ANKFY1: variants seen among roughly 807,000 people sequenced by gnomAD.
The protein encoded by ANKFY1 is ankyrin repeat and FYVE domain-containing protein 1.
In ANKFY1, 47 loss-of-function variants were observed where a neutral mutation model predicts 128.3. That is an observed-to-expected ratio of 0.37 (90% CI 0.29 to 0.47). The LOEUF (loss-of-function observed/expected upper bound fraction) is 0.47. Among genes scored for constraint, ANKFY1 ranks in the 20% least tolerant of loss-of-function variants. ANKFY1 has a pLI of 1.00. For missense variants in ANKFY1, 1,222 were observed against 1,510.6 expected, an observed-to-expected ratio of 0.81 and a Z score of 3.17; for synonymous variants, 553 against 601.6, an observed-to-expected ratio of 0.92 and a Z score of 1.18.
chr17:4,170,744 G>A lies in ANKFY1; in HGVS notation c.3257C>T (p.Ala1086Val). 6.2e-7 allele frequency: 1 copy of A among 1,613,378 alleles called. No individual in the cohort carries two copies. Among genetic ancestry groups the A allele is most frequent in the Non-Finnish European group, 8.5e-7 (1 of 1,179,590 alleles). The change falls in exon 23 of 25, where the codon GCC becomes GTC. Residue 1086 changes from alanine (A) to valine (V), a missense_variant. Physicochemically the swap from Ala to Val is moderately conservative, Grantham distance 64 (BLOSUM62 0). Transcript: ENST00000341657. ...QGVNIFNYQV[A>V]TKQLLFRLLD... ...CAGTCGGAACAGGAGCTGCTTGGTG[G>A]CGACCTGGTAGTTGAAGATGTTGAC... is the stretch of plus-strand genomic sequence containing the variant.
rs1237194727 is a variant in ANKFY1, at chr17:4,164,633, CT to C, written c.*3145del. 2 of 152,374 alleles carry C rather than the reference CT, an allele frequency of 1.3e-5. No homozygotes were observed. The highest frequency in any genetic ancestry group is 2.9e-5 in the Non-Finnish European group (2 of 68,042). 9.4% of individuals were successfully genotyped at this position (152,374 alleles called of 1,614,324 possible). On this transcript the variant is annotated 3_prime_UTR_variant, in exon 25 of 25. Transcript: ENST00000341657. ...AAGCATTACATAGTTCAAAAGTGTT[CT>C]TTTTCTCCAGATAAAAGAAACCTAG...
chr17:4,177,939 C>T (rs112105380), intron 18 of ANKFY1: 9,982 of 152,506 alleles, frequency 0.065, 423 homozygotes, highest in Middle Eastern at 0.11. Flanking sequence ...AGTGTGGAGG[C>T]GGCAGCGAGG....
Position 4,183,384 on chromosome 17 carries a change from C to T in ANKFY1, c.1952+14G>A, listed in dbSNP as rs779355457. 1.2e-5 allele frequency: 20 copies of T among 1,611,614 alleles called. No individual in the cohort carries two copies. The highest frequency in any genetic ancestry group is 1.4e-5 in the Non-Finnish European group (16 of 1,178,882). ...GTTACCTGGTGTTAGGTGGAGAGAG[C>T]GGCTTCCTCCTACCTGACATTTATA... On this transcript the variant is annotated intron_variant, in intron 14 of 24. Transcript: ENST00000341657.
intron 3 of ANKFY1, among the ~76,000 whole-genome samples, chr17:4,235,050 A>G (rs1221283966): frequency 6.6e-6 from 1 of 152,190 alleles, no homozygotes; most frequent in Non-Finnish European, 1.5e-5. Context: ...ATAAACTAGA[A>G]AAAGTACTTT....
chr17:4,171,121 AGC>A (rs1393261495), intron 22 of ANKFY1, among the ~76,000 whole-genome samples: 1 of 152,232 alleles, frequency 6.6e-6, no homozygotes, highest in Non-Finnish European at 1.5e-5. Flanking sequence ...TCCCACGTAG[AGC>A]TTGGGCTGCA....
At chr17:4,222,394 A>G in intron 3 of ANKFY1, 1 of 788,126 alleles carries the variant, frequency 1.3e-6, no homozygotes, top group East Asian at 2.4e-5. Flanking sequence ...ACCCAGTGAG[A>G]CAAATTTCCT....
intron 3 of ANKFY1, chr17:4,223,736 T>G (rs1490951758): frequency 2.5e-6 from 4 of 1,581,074 alleles, no homozygotes; most frequent in Non-Finnish European, 2.6e-6. Context: ...TGTGATGGCC[T>G]GTTGCTGGGC....
At position 4,235,753 on chromosome 17, in the gene ANKFY1, T is replaced by C. The variant is rs1966879914; in HGVS notation, c.322+19A>G. ...CCTTCCGCTAGCAGTTTTGTGTCCC[T>C]GATCACTCAAAGGCTCACCTGACAG... On this transcript the variant is annotated intron_variant, in intron 3 of 24. Coordinates refer to ENST00000341657, the MANE Select transcript of ANKFY1 (RefSeq NM_001330063.2). 6.3e-7 allele frequency: 1 copy of C among 1,587,606 alleles called. No homozygotes were observed. Among genetic ancestry groups the C allele is most frequent in the Admixed American group, 1.7e-5 (1 of 59,832 alleles).
At chr17:4,173,239 G>A (rs893188547) in intron 21 of ANKFY1, 115 bp downstream of exon 21, 18 of 871,078 alleles carry the variant, frequency 2.1e-5, no homozygotes, top group Non-Finnish European at 2.6e-5. Context: ...CTGGTGAGGT[G>A]CCCCAGCGGC....
chr17:4,233,196 A>G (rs1325747248), intron 3 of ANKFY1, among the ~76,000 whole-genome samples: 1 of 152,136 alleles, frequency 6.6e-6, no homozygotes, highest in African/African-American at 2.4e-5. Context: ...TTTTTCTAAC[A>G]AAGTCGAATA....
At chr17:4,232,072 CA>C (rs201154310) in intron 3 of ANKFY1, among the ~76,000 whole-genome samples, 2,682 of 152,214 alleles carry the variant, frequency 0.018, 77 homozygotes, top group African/African-American at 0.061. Context: ...GTATCCCTAA[CA>C]CCTTGAAAAG....
intron 10 of ANKFY1, among the ~76,000 whole-genome samples, chr17:4,193,571 G>T (rs963680056): frequency 1.3e-5 from 2 of 150,722 alleles, no homozygotes; most frequent in African/African-American, 4.9e-5. Flanking sequence ...GGGATTACAG[G>T]CATCGCCATC....
At position 4,256,104 on chromosome 17, in the gene ANKFY1, C is replaced by T. The variant is rs1299399179; in HGVS notation, c.10+7828G>A. On this transcript the variant is annotated intron_variant, in intron 1 of 24. Transcript: ENST00000341657. ...GTGCTGGGATTACAGGTGTGAGGCA[C>T]CACGCCCAGCCCACAAATATGGATG... 4.6e-5 allele frequency among the ~76,000 whole-genome samples: 7 copies of T among 151,990 alleles called. No homozygotes were observed. The South Asian group carries it at 8.3e-4, about 18-fold the overall frequency.
At chr17:4,186,079 T>A (rs935188721) in intron 11 of ANKFY1, among the ~76,000 whole-genome samples, 4 of 152,250 alleles carry the variant, frequency 2.6e-5, no homozygotes, top group Admixed American at 6.5e-5. Context: ...ACCACTTTCA[T>A]GTTTCTCTCC....
At chr17:4,185,735 T>C (rs990139591) in intron 11 of ANKFY1, among the ~76,000 whole-genome samples, 26 of 35,022 alleles carry the variant, frequency 7.4e-4, no homozygotes, top group Non-Finnish European at 1.3e-3. Context: ...CTTTGTTTTA[T>C]AATTCTTTTT....
chr17:4,222,864 C>A, intron 3 of ANKFY1: 4 of 963,300 alleles, frequency 4.2e-6, no homozygotes, highest in Middle Eastern at 2.1e-4. Flanking sequence ...CCAGACGACT[C>A]AGTATCCGAG....
chr17:4,183,583 C>T (rs377209118), intron 13 of ANKFY1, 32 bp from the exon 14 acceptor site: 86 of 1,603,892 alleles, frequency 5.4e-5, no homozygotes, highest in Middle Eastern at 2.2e-4. Context: ...CATCCAGGCT[C>T]GGCTTTTCCC....
chr17:4,225,682 G>A (rs2060412835), intron 3 of ANKFY1, among the ~76,000 whole-genome samples: 1 of 152,152 alleles, frequency 6.6e-6, no homozygotes, highest in Non-Finnish European at 1.5e-5. Flanking sequence ...AGAGGGAGGC[G>A]AAACTTGAAG....
chr17:4,204,363 G>A (rs575485678), intron 7 of ANKFY1, among the ~76,000 whole-genome samples: 39 of 152,330 alleles, frequency 2.6e-4, no homozygotes, highest in African/African-American at 8.9e-4. Flanking sequence ...GACGTAGAAT[G>A]TGACTTGTCC....
Sources: gnomAD v4.1 joint callset for allele counts (sites outside exome capture counted in the v4.1 genomes callset) on GRCh38, gnomAD v4.1.1 for gene constraint, MANE v1.5 for transcripts, NCBI Gene and HGNC (gene_info 2026-07-23, HGNC 2026-07-21) for gene names.